Variants in EPB41L4B observed in about 807,000 individuals in gnomAD.
The protein encoded by EPB41L4B is band 4.1-like protein 4B.
A neutral mutation model predicts 112.5 loss-of-function variants in EPB41L4B; 30 were observed. That is an observed-to-expected ratio of 0.27 (90% confidence interval 0.20 to 0.36). The LOEUF is 0.36. Ranked by LOEUF, EPB41L4B falls within the 10% of genes least tolerant of loss-of-function variation. EPB41L4B has a pLI of 1.00. For synonymous variants in EPB41L4B, 408 were observed against 439.7 expected, an observed-to-expected ratio of 0.93 and a Z score of 0.90; for missense variants, 1,024 against 1,133.3, an observed-to-expected ratio of 0.90 and a Z score of 1.38.
At chr9:109,241,554 C>T in intron 15 of EPB41L4B, 1 of 1,535,634 alleles carries the variant, frequency 6.5e-7, no homozygotes, top group African/African-American at 1.4e-5. Flanking sequence ...TTCAGGACTA[C>T]TCCTTAAAGA....
intron 15 of EPB41L4B, among the ~76,000 whole-genome samples, chr9:109,235,757 G>T (rs991099120): frequency 6.6e-6 from 1 of 152,064 alleles, no homozygotes; most frequent in African/African-American, 2.4e-5. Flanking sequence ...ACGACCTTAC[G>T]AACCACTAAA....
At chr9:109,312,674 A>G (rs998064814) in intron 1 of EPB41L4B, among the ~76,000 whole-genome samples, 4 of 152,104 alleles carry the variant, frequency 2.6e-5, no homozygotes, top group Admixed American at 2.6e-4. Flanking sequence ...AACCATCAAC[A>G]CAGTTTTTGT....
intron 2 of EPB41L4B, among the ~76,000 whole-genome samples, chr9:109,274,186 C>G (rs1259453163): frequency 1.3e-5 from 2 of 152,068 alleles, no homozygotes; most frequent in Non-Finnish European, 2.9e-5. Flanking sequence ...CAAAATGTAC[C>G]ATCAGAAAAA....
intron 16 of EPB41L4B, among the ~76,000 whole-genome samples, chr9:109,215,854 G>A (rs1833344251): frequency 6.6e-6 from 1 of 152,162 alleles, no homozygotes; most frequent in Non-Finnish European, 1.5e-5. Flanking sequence ...GCTGGGTATG[G>A]TGGCTCATGC....
chr9:109,259,293 G>A (rs1353938508), intron 6 of EPB41L4B, among the ~76,000 whole-genome samples: 2 of 152,164 alleles, frequency 1.3e-5, no homozygotes, highest in Non-Finnish European at 1.5e-5. Flanking sequence ...ATTTGGGTGC[G>A]CATCAGAATC....
intron 12 of EPB41L4B, among the ~76,000 whole-genome samples, chr9:109,252,690 G>C (rs1834834679): frequency 1.3e-5 from 2 of 152,202 alleles, no homozygotes; most frequent in Non-Finnish European, 2.9e-5. Context: ...AAGGGGCCAG[G>C]AGGCTGGGAG....
In EPB41L4B at chr9:109,256,475, T is replaced by C; in HGVS notation, c.758A>G (p.Lys253Arg). 6.2e-7 allele frequency: 1 copy of C among 1,613,880 alleles called. No homozygotes were observed. Among genetic ancestry groups the C allele is most frequent in the Non-Finnish European group, 8.5e-7 (1 of 1,179,926 alleles). ...IFQRWKECRG[K>R]SPAQAELSYL... ...GGAGAGTTCCGCCTGGGCAGGGCTC[T>C]TTCCCCTTAGAAAAACCAATGGAAA... Residue 253 changes from lysine to arginine, a missense_variant, in exon 8 of 26, where the codon AAG becomes AGG. By Grantham distance (26) the Lys-to-Arg change is conservative. Coordinates refer to ENST00000374566, the MANE Select transcript of EPB41L4B (RefSeq NM_019114.5).
intron 15 of EPB41L4B, among the ~76,000 whole-genome samples, chr9:109,235,749 G>A (rs1035642018): frequency 3.3e-5 from 5 of 152,136 alleles, no homozygotes; most frequent in Admixed American, 2.6e-4. Context: ...GGACAGCTAC[G>A]ACCTTACGAA....
At position 109,220,140 on chromosome 9, in the gene EPB41L4B, AT is replaced by A. The variant is rs1326755915; in HGVS notation, c.1410-2996del. Among the ~76,000 whole-genome samples, 4 of 152,220 alleles carry A rather than the reference AT, an allele frequency of 2.6e-5. No individual in the cohort carries two copies. The South Asian group carries it at 8.3e-4, about 32-fold the overall frequency. Reference sequence around the variant, plus strand: ...TGAAGTACTTGGGTTTTTCCAATTAATAACCCACATGCTTGAAATCAGAGGA... The same window carrying A: ...TGAAGTACTTGGGTTTTTCCAATTAAAACCCACATGCTTGAAATCAGAGGA... On this transcript the variant is annotated intron_variant, in intron 15 of 25. Coordinates refer to ENST00000374566, the MANE Select transcript of EPB41L4B (RefSeq NM_019114.5).
At chr9:109,301,251 A>C (rs2119219694) in intron 1 of EPB41L4B, 2 of 152,364 alleles carry the variant, frequency 1.3e-5, no homozygotes, top group Admixed American at 1.3e-4. Context: ...CAAAGTCAAC[A>C]GAAGAGTACA....
In EPB41L4B at chr9:109,307,452, T is replaced by A. The variant is rs562694162; in HGVS notation, c.306+12689A>T. Reference sequence around the variant, plus strand: ...ATCCTGGAGTGTCCCATTGGATGTGTCACTGCTGGCTGTGTGCATGACCTG... The same window carrying A: ...ATCCTGGAGTGTCCCATTGGATGTGACACTGCTGGCTGTGTGCATGACCTG... On this transcript the variant is annotated intron_variant, in intron 1 of 25. Coordinates refer to ENST00000374566, the MANE Select transcript of EPB41L4B (RefSeq NM_019114.5). Among the ~76,000 whole-genome samples, 3 of 152,288 alleles carry A rather than the reference T, an allele frequency of 2.0e-5. No individual in the cohort carries two copies. The South Asian group carries it at 6.2e-4, about 32-fold the overall frequency.
At chr9:109,271,865 C>CT (rs1224443798) in intron 2 of EPB41L4B, among the ~76,000 whole-genome samples, 4 of 152,218 alleles carry the variant, frequency 2.6e-5, no homozygotes, top group African/African-American at 9.6e-5. Flanking sequence ...AATTTCTCAT[C>CT]CAAGTCCATC....
At chr9:109,311,592 G>A (rs1011258631) in intron 1 of EPB41L4B, among the ~76,000 whole-genome samples, 7 of 152,212 alleles carry the variant, frequency 4.6e-5, no homozygotes, top group Admixed American at 6.5e-5. Flanking sequence ...TGACTTTGGG[G>A]AAAAGAACCT....
chr9:109,281,721 T>G (rs1836060366), intron 1 of EPB41L4B, among the ~76,000 whole-genome samples: 1 of 124,052 alleles, frequency 8.1e-6, no homozygotes, highest in African/African-American at 3.4e-5. Flanking sequence ...AATAAATAAA[T>G]AAATTAATTA....
At chr9:109,305,134 C>CA (rs1188141191) in intron 1 of EPB41L4B, among the ~76,000 whole-genome samples, 2 of 139,212 alleles carry the variant, frequency 1.4e-5, no homozygotes, top group African/African-American at 2.6e-5. Flanking sequence ...CCACCCAAGG[C>CA]AAAAAAATGC....
intron 1 of EPB41L4B, among the ~76,000 whole-genome samples, chr9:109,297,728 C>A (rs1304871195): frequency 6.6e-6 from 1 of 152,244 alleles, no homozygotes; most frequent in Non-Finnish European, 1.5e-5. Context: ...ATGGTGAGAG[C>A]TGTCCCTAAT....
chr9:109,274,858 TAAAC>T (rs1326661190), intron 2 of EPB41L4B, among the ~76,000 whole-genome samples: 1 of 152,226 alleles, frequency 6.6e-6, no homozygotes, highest in Non-Finnish European at 1.5e-5. Flanking sequence ...TGATGAATAT[TAAAC>T]AAGAGTTCAC....
In EPB41L4B at chr9:109,291,829, G is replaced by C. The variant is rs1588215811; in HGVS notation, c.307-11908C>G. Among the ~76,000 whole-genome samples the C allele has an allele frequency of 2.0e-5, 3 of 152,130 alleles. No homozygotes were observed. In the South Asian group the frequency reaches 6.2e-4, roughly 32 times the overall value. On this transcript the variant is annotated intron_variant, in intron 1 of 25. Coordinates refer to ENST00000374566, the MANE Select transcript of EPB41L4B (RefSeq NM_019114.5). ...GATGGCCCAGACAGGCAGATTCTAG[G>C]CTCAACTGTTCCACCACAGAACCAT...
rs182786985 is a variant in EPB41L4B at position 109,248,887 on chromosome 9, G to A, written c.1311-1098C>T. 3.5e-4 allele frequency among the ~76,000 whole-genome samples: 53 copies of A among 151,482 alleles called. 1 individual carries two copies. In the East Asian group the frequency reaches 9.1e-3, roughly 26 times the overall value. The stretch of plus-strand genomic sequence containing the variant: ...ATCCTGGCTAATACGGTGGAACCTC[G>A]TCTCTACTAAAAATACAAAAAATTA... On this transcript the variant is annotated intron_variant, in intron 13 of 25. Transcript: ENST00000374566.
Sources: gnomAD v4.1 joint callset for allele counts (sites outside exome capture counted in the v4.1 genomes callset) on GRCh38, gnomAD v4.1.1 for gene constraint, MANE v1.5 for transcripts, NCBI Gene and HGNC (gene_info 2026-07-23, HGNC 2026-07-21) for gene names.